Variants in RNF4 observed in about 807,000 individuals in gnomAD.
The protein encoded by RNF4 is E3 ubiquitin-protein ligase RNF4.
In RNF4, 7 loss-of-function variants were observed where a neutral mutation model predicts 24.3. The observed-to-expected ratio is 0.29, with a 90% CI of 0.16 to 0.54. The LOEUF is 0.54. RNF4 is among the 20% of genes least tolerant of loss of function. RNF4 has a pLI of 0.95. For missense variants in RNF4, 209 were observed against 248.5 expected, an observed-to-expected ratio of 0.84 and a Z score of 1.07; for synonymous variants, 83 against 84.3, an observed-to-expected ratio of 0.98 and a Z score of 0.09.
In RNF4 at chr4:2,515,715, A is replaced by G. The variant is rs1378342752; in HGVS notation, c.*1896A>G. The G allele has an allele frequency of 6.6e-6, 1 of 152,652 alleles. No individual in the cohort carries two copies. Among genetic ancestry groups the G allele is most frequent in the East Asian group, 1.9e-4 (1 of 5,204 alleles). The allele number at this position is 152,652 out of a possible 1,614,324, so 9.5% of individuals were successfully genotyped here. A position where few individuals can be genotyped will look rare whatever the true frequency, so the allele number is the denominator to read the frequency against. On this transcript the variant is annotated 3_prime_UTR_variant, in exon 8 of 8. Coordinates refer to ENST00000314289, the MANE Select transcript of RNF4 (RefSeq NM_002938.5). ...AACTGCGAACTAGGGAAAGGTTGGT[A>G]TGAAGAAATGTCTTTCCTTTTTTCA...
chr4:2,472,066 G>C (rs1734924953), intron 1 of RNF4, among the ~76,000 whole-genome samples: 4 of 152,200 alleles, frequency 2.6e-5, no homozygotes. Flanking sequence ...TTCATAGCTA[G>C]AGAAAGGTCA....
intron 4 of RNF4, among the ~76,000 whole-genome samples, chr4:2,501,341 C>T (rs1014681506): frequency 1.3e-5 from 2 of 152,180 alleles, no homozygotes; most frequent in African/African-American, 4.8e-5. Context: ...CCAAAAGTGC[C>T]TGCTACTTAG....
At chr4:2,494,920 A>T (rs1443977832) in intron 2 of RNF4, among the ~76,000 whole-genome samples, 5 of 152,240 alleles carry the variant, frequency 3.3e-5, no homozygotes, top group African/African-American at 4.8e-5. Flanking sequence ...ATGTTAGTAC[A>T]GGTCTTTGAA....
chr4:2,485,565 A>G (rs1203783551), intron 1 of RNF4, among the ~76,000 whole-genome samples: 3 of 152,022 alleles, frequency 2.0e-5, no homozygotes, highest in Non-Finnish European at 4.4e-5. Flanking sequence ...TCATTCTTGC[A>G]GAGTAAGAAG....
chr4:2,477,801 A>G (rs1735126381), intron 1 of RNF4, among the ~76,000 whole-genome samples: 1 of 152,204 alleles, frequency 6.6e-6, no homozygotes. Context: ...TCGTGAAAAC[A>G]TACTGGTACA....
chr4:2,498,003 G>A (rs1735790778), intron 3 of RNF4, among the ~76,000 whole-genome samples: 1 of 152,138 alleles, frequency 6.6e-6, no homozygotes, highest in African/African-American at 2.4e-5. Flanking sequence ...CAGGAGAAAT[G>A]AAGTTCTCTA....
intron 4 of RNF4, among the ~76,000 whole-genome samples, chr4:2,502,475 G>A (rs1317033337): frequency 6.6e-6 from 1 of 152,080 alleles, no homozygotes; most frequent in Admixed American, 6.6e-5. Flanking sequence ...CACAAGGTCA[G>A]GAGTTTGACA....
chr4:2,511,835 G>A, intron 4 of RNF4, 121 bp from the exon 5 acceptor site: 1 of 1,001,632 alleles, frequency 1.0e-6, no homozygotes, highest in South Asian at 1.5e-5. Context: ...TGGGGCCTCT[G>A]CTGCTCACCA....
At chr4:2,475,320 C>T (rs1323212330) in intron 1 of RNF4, among the ~76,000 whole-genome samples, 9 of 150,666 alleles carry the variant, frequency 6.0e-5, no homozygotes, top group Admixed American at 4.0e-4. Context: ...CGCACGCCAC[C>T]GCACCTGGCT....
chr4:2,477,876 G>A (rs1249219185), intron 1 of RNF4, among the ~76,000 whole-genome samples: 1 of 152,212 alleles, frequency 6.6e-6, no homozygotes, highest in African/African-American at 2.4e-5. Flanking sequence ...AAACAGCTTT[G>A]CAACTGGGTA....
chr4:2,496,187 A>G (rs1321916923), intron 2 of RNF4, among the ~76,000 whole-genome samples: 2 of 152,172 alleles, frequency 1.3e-5, no homozygotes, highest in Admixed American at 1.3e-4. Flanking sequence ...TCTGGTGTGA[A>G]TCACAGTTGA....
Position 2,497,024 on chromosome 4 carries a change from A to G in RNF4, c.27A>G (p.Gly9=), listed in dbSNP as rs1428434085. MSTRKRRG[G]AINSRQAQKR... is the part of the protein sequence containing the mutation. ...CTACTCAGAGAAAGCGTCGTGGTGGAGCAATAAATTCTAGACAAGCTCAGA... is the reference window on the plus strand; with the variant it reads ...CTACTCAGAGAAAGCGTCGTGGTGGGGCAATAAATTCTAGACAAGCTCAGA... Residue 9 remains glycine, a synonymous_variant, in exon 3 of 8, where the codon GGA becomes GGG. Transcript: ENST00000314289. 1.9e-6 allele frequency: 3 copies of G among 1,603,178 alleles called. No individual in the cohort carries two copies. Among genetic ancestry groups the G allele is most frequent in the Non-Finnish European group, 2.6e-6 (3 of 1,175,140 alleles).
rs766128572 is a variant in RNF4 at position 2,512,916 on chromosome 4, C to T, written c.375-167C>T. 3.3e-5 allele frequency among the ~76,000 whole-genome samples: 5 copies of T among 152,180 alleles called. No homozygotes were observed. The highest frequency in any genetic ancestry group is 4.4e-5 in the Non-Finnish European group (3 of 68,036). ...CTTCTCATGTTCACCCTCCCACATG[C>T]CCTTGGGGCAGTTGGCTTTCCTGAA... On this transcript the variant is annotated intron_variant, in intron 6 of 7. Coordinates refer to ENST00000314289, the MANE Select transcript of RNF4 (RefSeq NM_002938.5). This position sits in a 1 kb window ranked among gnomAD's most constrained non-coding sequence, Gnocchi z 4.1.
chr4:2,510,897 C>T (rs963613357), intron 4 of RNF4, among the ~76,000 whole-genome samples: 8 of 152,200 alleles, frequency 5.3e-5, no homozygotes, highest in African/African-American at 1.9e-4. Flanking sequence ...AGGTGAGAGG[C>T]TTGTCAGGTT....
chr4:2,481,983 C>T lies in RNF4; in HGVS notation c.-157-8354C>T, dbSNP rs115904385. ...AGTGTTGAAGGAGAGTTGAAGAGGG[C>T]CTAGATTAGGGCTTCTGGGTGCTGG... On this transcript the variant is annotated intron_variant, in intron 1 of 7. Coordinates refer to ENST00000314289, the MANE Select transcript of RNF4 (RefSeq NM_002938.5). 8.9e-3 allele frequency among the ~76,000 whole-genome samples: 1,359 copies of T among 152,280 alleles called. 22 individuals carry two copies. The highest frequency in any genetic ancestry group is 0.03 in the African/African-American group (1,252 of 41,560).
chr4:2,502,338 C>A (rs927774032), intron 4 of RNF4, among the ~76,000 whole-genome samples: 1 of 152,178 alleles, frequency 6.6e-6, no homozygotes, highest in Non-Finnish European at 1.5e-5. Flanking sequence ...CTTTTGTTGG[C>A]TGACAAACCA....
rs906984065 is a variant in RNF4 at position 2,512,665 on chromosome 4, T to C, written c.374+68T>C. On this transcript the variant is annotated intron_variant, in intron 6 of 7. Coordinates refer to ENST00000314289, the MANE Select transcript of RNF4 (RefSeq NM_002938.5). The surrounding 1 kb of genome is among the most constrained non-coding windows in gnomAD (Gnocchi z 4.1). The stretch of plus-strand genomic sequence containing the variant: ...TGGGGCCAGGGCATGGGAATACTTT[T>C]CAGCAAATCTGTGAGCCCTTGGCCC... The C allele has an allele frequency of 7.7e-5, 121 of 1,563,310 alleles. No homozygotes were observed. The highest frequency in any genetic ancestry group is 1.0e-4 in the Non-Finnish European group (119 of 1,151,702).
intron 2 of RNF4, among the ~76,000 whole-genome samples, chr4:2,495,178 G>T (rs1578513796): frequency 6.6e-6 from 1 of 152,204 alleles, no homozygotes; most frequent in African/African-American, 2.4e-5. Flanking sequence ...CTGGTTCTGT[G>T]CTCCTTAGTC....
chr4:2,474,260 C>T (rs916837743), intron 1 of RNF4, among the ~76,000 whole-genome samples: 3 of 151,872 alleles, frequency 2.0e-5, no homozygotes, highest in Admixed American at 6.6e-5. Context: ...CACCTGTAAT[C>T]GCAGCTACTC....
Sources: allele counts gnomAD v4.1 joint callset (sites outside exome capture counted in the v4.1 genomes callset), GRCh38; gene constraint gnomAD v4.1.1; non-coding constraint Gnocchi (gnomAD v3.1); transcripts MANE v1.5; gene names NCBI Gene and HGNC (gene_info 2026-07-23, HGNC 2026-07-21).